RANBP2: variants seen among roughly 807,000 people sequenced by gnomAD.
The protein encoded by RANBP2 is E3 SUMO-protein ligase RanBP2.
RANBP2 carries 57 observed loss-of-function variants against 303.6 expected under a neutral mutation model. The ratio of observed to expected loss-of-function variants is 0.19; its 90% CI spans 0.15 to 0.23. The LOEUF is 0.23. Among genes scored for constraint, RANBP2 ranks in the 10% least tolerant of loss-of-function variants. The probability of loss-of-function intolerance (pLI) is 1.00; values close to 1 mark genes in which losing one functional copy is unlikely to be tolerated. For synonymous variants in RANBP2, 1,167 were observed against 1,301.5 expected (o/e 0.90, Z 2.23); for missense variants, 3,138 against 3,780.8 (o/e 0.83, Z 4.46).
chr2:109,352,734 C>A, the RANBP2 span, among the ~76,000 whole-genome samples: 1 of 152,316 alleles, frequency 6.6e-6, no homozygotes, highest in East Asian at 1.9e-4. Flanking sequence ...AGTGCACCTG[C>A]AGCCACCTCT....
chr2:109,508,469 G>A, the RANBP2 span, among the ~76,000 whole-genome samples: 3 of 152,174 alleles, frequency 2.0e-5, no homozygotes, highest in South Asian at 4.1e-4. Context: ...CTGTGCAAAA[G>A]CACGCGTCTT....
the RANBP2 span, chr2:109,567,910 T>C: frequency 6.2e-7 from 1 of 1,613,932 alleles, no homozygotes; most frequent in Non-Finnish European, 8.5e-7. Context: ...ATGAGCTTGA[T>C]CTTAAACTTC....
chr2:109,564,143 T>G, the RANBP2 span: 1 of 394,776 alleles, frequency 2.5e-6, no homozygotes, highest in East Asian at 3.7e-5. Flanking sequence ...TTCATCATAT[T>G]TAACTCTTTT....
chr2:109,467,112 A>C, the RANBP2 span, among the ~76,000 whole-genome samples: 7 of 152,258 alleles, frequency 4.6e-5, no homozygotes, highest in Admixed American at 1.3e-4. Flanking sequence ...GAAGTTAAAC[A>C]TGCCACCTGT....
the RANBP2 span, among the ~76,000 whole-genome samples, chr2:109,576,411 AT>A: frequency 3.0e-4 from 45 of 151,932 alleles, no homozygotes; most frequent in East Asian, 5.8e-3. Flanking sequence ...AAAAAATGAT[AT>A]TTTTTTTAAT....
chr2:109,615,040 A>T, the RANBP2 span: 8 of 1,548,362 alleles, frequency 5.2e-6, no homozygotes, highest in Non-Finnish European at 7.0e-6. Context: ...CATGGCTGCG[A>T]GGAGGCGGAC....
chr2:108,842,511 A>ATTGTAT, the RANBP2 span, among the ~76,000 whole-genome samples: 10 of 152,046 alleles, frequency 6.6e-5, no homozygotes, highest in Admixed American at 4.6e-4. Context: ...GGTTTTTCAC[A>ATTGTAT]GGCTGTTTTG....
chr2:109,767,346 C>A, the RANBP2 span, among the ~76,000 whole-genome samples: 1 of 148,848 alleles, frequency 6.7e-6, no homozygotes, highest in African/African-American at 2.5e-5. Context: ...CATAGTCCAG[C>A]AGACAAATAT....
chr2:109,329,129 T>C, the RANBP2 span, among the ~76,000 whole-genome samples: 1 of 152,226 alleles, frequency 6.6e-6, no homozygotes, highest in Admixed American at 6.5e-5. Context: ...AATGTTCCCC[T>C]CTCTCCTACA....
chr2:109,702,685 G>A, the RANBP2 span, among the ~76,000 whole-genome samples: 1 of 152,126 alleles, frequency 6.6e-6, no homozygotes, highest in Non-Finnish European at 1.5e-5. Context: ...CCTGTCCTCT[G>A]CAACATCGGA....
the RANBP2 span, among the ~76,000 whole-genome samples, chr2:108,955,978 G>A: frequency 1.3e-5 from 2 of 152,156 alleles, no homozygotes; most frequent in African/African-American, 4.8e-5. Flanking sequence ...GCAGTGAGCC[G>A]AGATGGTGCC....
At chr2:109,510,416 G>A in the RANBP2 span, among the ~76,000 whole-genome samples, 1 of 152,204 alleles carries the variant, frequency 6.6e-6, no homozygotes, top group Non-Finnish European at 1.5e-5. Flanking sequence ...AGGGCATGTG[G>A]GGGAGCAGAC....
chr2:108,995,780 T>C, the RANBP2 span, among the ~76,000 whole-genome samples: 1 of 152,160 alleles, frequency 6.6e-6, no homozygotes, highest in African/African-American at 2.4e-5. Flanking sequence ...TTTCCATGCG[T>C]CCCCTTTGCT....
chr2:109,185,338 A>G, the RANBP2 span, among the ~76,000 whole-genome samples: 1 of 152,228 alleles, frequency 6.6e-6, no homozygotes, highest in Non-Finnish European at 1.5e-5. Context: ...TTTAAACAAT[A>G]AAAGATTGGA....
the RANBP2 span, among the ~76,000 whole-genome samples, chr2:109,084,025 G>A: frequency 6.6e-6 from 1 of 152,070 alleles, no homozygotes; most frequent in Non-Finnish European, 1.5e-5. Context: ...TTTCCCTCCA[G>A]ATGTCCTAAA....
the RANBP2 span, among the ~76,000 whole-genome samples, chr2:109,044,892 G>A: frequency 6.6e-6 from 1 of 152,124 alleles, no homozygotes; most frequent in South Asian, 2.1e-4. Flanking sequence ...TGTAAAAGAG[G>A]TGATTTCTTA....
chr2:109,585,381 G>A, the RANBP2 span: 1 of 1,364,000 alleles, frequency 7.3e-7, no homozygotes, highest in Non-Finnish European at 1.0e-6. Flanking sequence ...AAATACAACT[G>A]TAAATGCCTA....
the RANBP2 span, among the ~76,000 whole-genome samples, chr2:109,057,964 T>C: frequency 6.6e-6 from 1 of 152,130 alleles, no homozygotes; most frequent in African/African-American, 2.4e-5. Context: ...AGCGCTTATG[T>C]GGCAAGGAGG....
chr2:109,332,371 A>T, the RANBP2 span, among the ~76,000 whole-genome samples: 1 of 151,966 alleles, frequency 6.6e-6, no homozygotes, highest in Non-Finnish European at 1.5e-5. Flanking sequence ...CTTCCTTCTC[A>T]GCCTGTAGCT....
Sources: gnomAD v4.1 joint callset for allele counts (sites outside exome capture counted in the v4.1 genomes callset) on GRCh38, gnomAD v4.1.1 for gene constraint, MANE v1.5 for transcripts, NCBI Gene and HGNC (gene_info 2026-07-23, HGNC 2026-07-21) for gene names.